The following SEC23A variants were observed in gnomAD, a reference collection of about 807,000 sequenced individuals.
SEC23A encodes SEC23 homolog A, COPII component, also known as protein transport protein Sec23A.
In SEC23A, 56 loss-of-function variants were observed where a neutral mutation model predicts 103.7. The ratio of observed to expected loss-of-function variants is 0.54; its 90% CI spans 0.44 to 0.67. The LOEUF is 0.67. Ranked by LOEUF, SEC23A falls within the 30% of genes least tolerant of loss-of-function variation. The pLI, the probability that SEC23A is intolerant of heterozygous loss-of-function variation, is 0.00. For synonymous variants in SEC23A, 281 were observed against 293.0 expected (o/e 0.96, Z 0.42); for missense variants, 784 against 936.4 (o/e 0.84, Z 2.12).
chr14:39,088,817 C>T (rs1887553275), intron 5 of SEC23A: 1 of 151,074 alleles, frequency 6.6e-6, no homozygotes. Context: ...GGGGGATCAC[C>T]TGAGCTCAGG....
At chr14:39,090,258 T>G (rs1049114498) in intron 5 of SEC23A, among the ~76,000 whole-genome samples, 4 of 152,172 alleles carry the variant, frequency 2.6e-5, no homozygotes, top group Non-Finnish European at 5.9e-5. Flanking sequence ...TGTTCTCAAC[T>G]AGGAGTTGCA....
At position 39,055,259 on chromosome 14, in the gene SEC23A, C is replaced by T; in HGVS notation, c.1543G>A (p.Ala515Thr). The stretch of plus-strand genomic sequence containing the variant: ...GCAGCTGCCTCCTGGTCAAAAGATG[C>T]AGCAATGTTTTGGATTTGAGTTTGA... The part of the protein sequence containing the change: ...DAQTQIQNIA[A>T]SFDQEAAAIL... Residue 515 changes from alanine (A) to threonine (T), a missense_variant, in exon 14 of 20, where the codon GCA (alanine) becomes ACA (threonine). By Grantham distance (58) the Ala-to-Thr change is moderately conservative (BLOSUM62 0). Transcript: ENST00000307712. 1 of 1,614,086 alleles carries T rather than the reference C, an allele frequency of 6.2e-7. No individual in the cohort carries two copies. Among genetic ancestry groups the T allele is most frequent in the Non-Finnish European group, 8.5e-7 (1 of 1,180,002 alleles).
intron 15 of SEC23A, among the ~76,000 whole-genome samples, chr14:39,046,234 C>T (rs1385692421): frequency 1.3e-5 from 2 of 152,054 alleles, no homozygotes; most frequent in African/African-American, 2.4e-5. Flanking sequence ...TCTGGGAGGC[C>T]GAAGCAGGTG....
intron 5 of SEC23A, among the ~76,000 whole-genome samples, chr14:39,090,066 C>G (rs1887603164): frequency 6.6e-6 from 1 of 152,166 alleles, no homozygotes; most frequent in Non-Finnish European, 1.5e-5. Flanking sequence ...CCTGCAAATT[C>G]CCCTAGTATG....
At chr14:39,090,319 A>ATT (rs1358821072) in intron 5 of SEC23A, among the ~76,000 whole-genome samples, 2 of 152,138 alleles carry the variant, frequency 1.3e-5, no homozygotes, top group Admixed American at 1.3e-4. Flanking sequence ...ACAATCTTAT[A>ATT]TTATATATAT....
At chr14:39,093,380 C>T (rs1362361187) in intron 2 of SEC23A, 136 bp from the exon 3 acceptor site, 5 of 691,782 alleles carry the variant, frequency 7.2e-6, no homozygotes, top group African/African-American at 1.8e-5. Context: ...CTTTTAAAAG[C>T]CATGTAGTTT....
chr14:39,063,386 ACT>A lies in SEC23A; in HGVS notation c.1334_1335del (p.Gln445LeufsTer7). ...ENEIGTGGTC[Q>X]WKICGLSPTT... ...GTGGGACTAAGTCCACATATCTTCC[ACT>A]GACATGTGCCACCTGTTCCTATCTC... On this transcript the variant is annotated frameshift_variant, in exon 12 of 20. Transcript: ENST00000307712. LOFTEE classifies it high-confidence loss of function. The A allele has an allele frequency of 6.2e-7, 1 of 1,611,286 alleles. No homozygotes were observed. The highest frequency in any genetic ancestry group is 8.5e-7 in the Non-Finnish European group (1 of 1,177,656).
At chr14:39,074,707 A>G (rs934104631) in intron 8 of SEC23A, among the ~76,000 whole-genome samples, 177 bp from the exon 9 acceptor site, 2 of 152,204 alleles carry the variant, frequency 1.3e-5, no homozygotes, top group African/African-American at 4.8e-5. Flanking sequence ...TGAGTCTGAC[A>G]TTTTCACATT....
chr14:39,073,586 G>A (rs1405087994), intron 9 of SEC23A, among the ~76,000 whole-genome samples: 1 of 146,030 alleles, frequency 6.8e-6, no homozygotes, highest in African/African-American at 2.5e-5. Flanking sequence ...GAGCCACGGT[G>A]CCCGGCTCTG....
At chr14:39,065,100 G>T in intron 10 of SEC23A, 107 bp from the exon 11 acceptor site, 1 of 770,566 alleles carries the variant, frequency 1.3e-6, no homozygotes, top group South Asian at 1.4e-5. Flanking sequence ...AAAACTCAAA[G>T]CCAATGAAAA....
chr14:39,045,851 T>C (rs1250839638), intron 15 of SEC23A, among the ~76,000 whole-genome samples: 4 of 152,344 alleles, frequency 2.6e-5, no homozygotes, highest in Admixed American at 6.5e-5. Flanking sequence ...TCTAAGAACA[T>C]ATAAAAATAA....
At position 39,055,306 on chromosome 14, in the gene SEC23A, A is replaced by G. The variant is rs1280314097; in HGVS notation, c.1506-10T>C. 7.4e-6 allele frequency: 12 copies of G among 1,613,840 alleles called. No homozygotes were observed. Among genetic ancestry groups the G allele is most frequent in the South Asian group, 1.1e-5 (1 of 91,070 alleles). On this transcript the variant is annotated splice_polypyrimidine_tract_variant and intron_variant, in intron 13 of 19. Coordinates refer to ENST00000307712, the MANE Select transcript of SEC23A (RefSeq NM_006364.4). The stretch of plus-strand genomic sequence containing the variant: ...TTGAGCATCTGCCCAGCTGAAGACA[A>G]TAAGAAAGCATAGAAATGCTTCTGA...
At chr14:39,043,105 T>C (rs1244220824) in intron 16 of SEC23A, among the ~76,000 whole-genome samples, 1 of 152,096 alleles carries the variant, frequency 6.6e-6, no homozygotes, top group Non-Finnish European at 1.5e-5. Context: ...GACCCCCAAG[T>C]AGCTGGGACT....
At chr14:39,067,641 C>CCGTA (rs749760088) in intron 9 of SEC23A, among the ~76,000 whole-genome samples, 1 of 149,542 alleles carries the variant, frequency 6.7e-6, no homozygotes, top group Non-Finnish European at 1.5e-5. Context: ...GGTAAAGGTA[C>CCGTA]CTGACAGTTT....
intron 9 of SEC23A, among the ~76,000 whole-genome samples, chr14:39,072,571 GAGAGGC>G (rs1456034950): frequency 6.6e-6 from 1 of 152,096 alleles, no homozygotes; most frequent in Non-Finnish European, 1.5e-5. Context: ...CCAGCACTTT[GAGAGGC>G]AGAGGCAGGA....
At chr14:39,083,178 C>G (rs968354762) in intron 7 of SEC23A, among the ~76,000 whole-genome samples, 1 of 152,090 alleles carries the variant, frequency 6.6e-6, no homozygotes, top group Non-Finnish European at 1.5e-5. Flanking sequence ...GTCTTGGGAC[C>G]CCAAAATCAT....
intron 13 of SEC23A, among the ~76,000 whole-genome samples, chr14:39,056,598 C>T (rs141245762): frequency 1.6e-3 from 246 of 151,966 alleles, no homozygotes; most frequent in Non-Finnish European, 2.8e-3. Flanking sequence ...CCTCAGCCTC[C>T]TGAGTAGCCA....
rs756555603 is a variant in SEC23A, at chr14:39,085,891, T to C, written c.699A>G (p.Val233=). 6.2e-7 allele frequency: 1 copy of C among 1,613,258 alleles called. No homozygotes were observed. Among genetic ancestry groups the C allele is most frequent in the Non-Finnish European group, 8.5e-7 (1 of 1,179,338 alleles). The stretch of plus-strand genomic sequence containing the variant: ...CTGTGAGATTCATGTCTATTTTCTG[T>C]ACTGGTTGTAAGAATCTAAGAAACA... The part of the protein sequence containing the change: ...PPPSNRFLQP[V]QKIDMNLTDL... The change falls in exon 7 of 20, where the codon GTA becomes GTG. Residue 233 remains valine (V), a synonymous_variant. Coordinates refer to ENST00000307712, the MANE Select transcript of SEC23A (RefSeq NM_006364.4).
At chr14:39,080,723 A>G (rs971045749) in intron 7 of SEC23A, among the ~76,000 whole-genome samples, 2 of 152,230 alleles carry the variant, frequency 1.3e-5, no homozygotes, top group African/African-American at 4.8e-5. Flanking sequence ...CTTAAATAAA[A>G]TAAAACAATG....
Sources: allele counts gnomAD v4.1 joint callset (sites outside exome capture counted in the v4.1 genomes callset), GRCh38; gene constraint gnomAD v4.1.1; transcripts MANE v1.5; gene names NCBI Gene and HGNC (gene_info 2026-07-23, HGNC 2026-07-21).